The following MAGI2 variants were observed in gnomAD, a reference collection of about 807,000 sequenced individuals.
The protein encoded by MAGI2 is membrane associated guanylate kinase, WW and PDZ domain containing 2, also known as membrane-associated guanylate kinase, WW and PDZ domain-containing protein 2.
MAGI2 carries 35 observed loss-of-function variants against 133.3 expected under a neutral mutation model. That is an observed-to-expected ratio of 0.26 (90% CI 0.20 to 0.35). The LOEUF is 0.35. MAGI2 is among the 10% of genes least tolerant of loss of function. The pLI is 1.00. For synonymous variants in MAGI2, 729 were observed against 710.6 expected (o/e 1.03, Z -0.41); for missense variants, 1,636 against 1,863.4 (o/e 0.88, Z 2.25).
chr7:78,755,346 C>A (rs994871109), intron 2 of MAGI2, among the ~76,000 whole-genome samples: 1 of 152,056 alleles, frequency 6.6e-6, no homozygotes, highest in East Asian at 1.9e-4. Context: ...CATACGTACT[C>A]GAGTATTTTG....
chr7:78,918,053 G>A (rs1355389866), intron 2 of MAGI2, among the ~76,000 whole-genome samples: 1 of 152,080 alleles, frequency 6.6e-6, no homozygotes, highest in Non-Finnish European at 1.5e-5. Flanking sequence ...TCGAAGGTGG[G>A]TGGCTGAACG....
At chr7:79,150,043 G>T (rs879517692) in intron 1 of MAGI2, among the ~76,000 whole-genome samples, 4 of 152,086 alleles carry the variant, frequency 2.6e-5, no homozygotes. Context: ...AAGATGAGCT[G>T]AAGTTAACTA....
At chr7:78,280,337 A>G (rs1057431579) in intron 9 of MAGI2, among the ~76,000 whole-genome samples, 1 of 152,114 alleles carries the variant, frequency 6.6e-6, no homozygotes, top group African/African-American at 2.4e-5. Context: ...GTGGATACCA[A>G]ATTTGTATCT....
chr7:78,786,732 T>C (rs376263160), intron 2 of MAGI2, among the ~76,000 whole-genome samples: 1 of 152,166 alleles, frequency 6.6e-6, no homozygotes, highest in Non-Finnish European at 1.5e-5. Flanking sequence ...GCTGCTTTAT[T>C]TTTCTTTAGT....
chr7:78,267,143 T>C (rs543074044), intron 9 of MAGI2, among the ~76,000 whole-genome samples: 7 of 152,298 alleles, frequency 4.6e-5, no homozygotes, highest in South Asian at 2.1e-4. Context: ...ACTGGTAGTA[T>C]AACATATTCT....
At chr7:79,324,552 T>TAAA (rs1839472546) in intron 1 of MAGI2, among the ~76,000 whole-genome samples, 1 of 27,346 alleles carries the variant, frequency 3.7e-5, no homozygotes, top group African/African-American at 1.1e-4. Flanking sequence ...TATATATACA[T>TAAA]ATATACACAT....
chr7:78,276,824 G>A (rs1584679665), intron 9 of MAGI2, among the ~76,000 whole-genome samples: 1 of 152,122 alleles, frequency 6.6e-6, no homozygotes, highest in Admixed American at 6.6e-5. Flanking sequence ...TCATGGTAGA[G>A]GAGAAGAATG....
At chr7:78,544,631 C>T (rs906966080) in intron 3 of MAGI2, among the ~76,000 whole-genome samples, 6 of 152,120 alleles carry the variant, frequency 3.9e-5, no homozygotes, top group Non-Finnish European at 5.9e-5. Context: ...AGCCTCACCT[C>T]GAAACATGTT....
intron 2 of MAGI2, among the ~76,000 whole-genome samples, chr7:78,853,257 GA>G (rs1220874836): frequency 1.4e-5 from 2 of 144,976 alleles, no homozygotes; most frequent in Non-Finnish European, 3.0e-5. Context: ...TATATAGGAG[GA>G]AAAACCTAAT....
At chr7:79,193,539 T>C (rs1252260221) in intron 1 of MAGI2, among the ~76,000 whole-genome samples, 1 of 151,930 alleles carries the variant, frequency 6.6e-6, no homozygotes, top group African/African-American at 2.4e-5. Flanking sequence ...ACTCCTGTAT[T>C]TACATTTAAA....
At chr7:78,709,386 C>A (rs1029093823) in intron 2 of MAGI2, among the ~76,000 whole-genome samples, 1 of 152,068 alleles carries the variant, frequency 6.6e-6, no homozygotes, top group Non-Finnish European at 1.5e-5. Context: ...AGGAAATGCC[C>A]TTTATCTCCT....
chr7:79,259,427 C>T (rs369033792), intron 1 of MAGI2, among the ~76,000 whole-genome samples: 67 of 152,226 alleles, frequency 4.4e-4, no homozygotes, highest in African/African-American at 1.5e-3. Flanking sequence ...ATTTCTTATG[C>T]ATCATCTGGA....
chr7:78,324,362 C>T (rs187290134), intron 9 of MAGI2, among the ~76,000 whole-genome samples: 1 of 152,156 alleles, frequency 6.6e-6, no homozygotes, highest in Non-Finnish European at 1.5e-5. Context: ...TCGTATTAAA[C>T]CTCCAGTTTA....
intron 2 of MAGI2, 75 bp from the exon 3 acceptor site, chr7:78,627,314 T>C (rs1324369563): frequency 9.9e-6 from 13 of 1,309,860 alleles, no homozygotes; most frequent in Middle Eastern, 2.3e-4. Context: ...ACCACCATAC[T>C]TCTGAATATT....
At chr7:78,070,202 T>C (rs900942620) in intron 21 of MAGI2, among the ~76,000 whole-genome samples, 2,925 of 36,794 alleles carry the variant, frequency 0.079, 201 homozygotes, top group African/African-American at 0.18. Flanking sequence ...TATATATATA[T>C]ATATATATAT....
intron 1 of MAGI2, among the ~76,000 whole-genome samples, chr7:79,030,021 C>T (rs866615226): frequency 1.2e-4 from 19 of 152,160 alleles, no homozygotes; most frequent in African/African-American, 1.7e-4. Context: ...CCGCATTCAA[C>T]GCCTCTGAGG....
chr7:78,238,785 G>A (rs10953499), intron 10 of MAGI2, among the ~76,000 whole-genome samples: 25,559 of 151,972 alleles, frequency 0.17, 2,604 homozygotes, highest in East Asian at 0.32. Flanking sequence ...CTTTAAAAAT[G>A]TTATGTCCTA....
chr7:78,758,192 A>G (rs969689375), intron 2 of MAGI2, among the ~76,000 whole-genome samples: 1 of 152,150 alleles, frequency 6.6e-6, no homozygotes, highest in Non-Finnish European at 1.5e-5. Flanking sequence ...AACATTATAA[A>G]TATTACATAA....
intron 1 of MAGI2, among the ~76,000 whole-genome samples, chr7:79,128,283 G>A (rs903801459): frequency 1.5e-4 from 23 of 152,086 alleles, no homozygotes; most frequent in Middle Eastern, 3.4e-3. Flanking sequence ...TTCTTGGGGT[G>A]TAATCTTCCT....
Sources: gnomAD v4.1 joint callset for allele counts (sites outside exome capture counted in the v4.1 genomes callset) on GRCh38, gnomAD v4.1.1 for gene constraint, MANE v1.5 for transcripts, NCBI Gene and HGNC (gene_info 2026-07-23, HGNC 2026-07-21) for gene names.